Variants in INPP4B observed in about 807,000 individuals in gnomAD.
INPP4B encodes inositol polyphosphate-4-phosphatase type II B.
INPP4B carries 55 observed loss-of-function variants against 122.5 expected under a neutral mutation model. The observed-to-expected ratio is 0.45, with a 90% CI of 0.36 to 0.56. INPP4B has a LOEUF of 0.56. Among genes scored for constraint, INPP4B ranks in the 20% least tolerant of loss-of-function variants. INPP4B has a pLI of 0.00. For synonymous variants in INPP4B, 403 were observed against 388.7 expected, an observed-to-expected ratio of 1.04 and a Z score of -0.43; for missense variants, 1,000 against 1,097.7, an observed-to-expected ratio of 0.91 and a Z score of 1.26.
intron 12 of INPP4B, among the ~76,000 whole-genome samples, chr4:142,222,844 C>G (rs1849934759): frequency 6.6e-6 from 1 of 152,168 alleles, no homozygotes; most frequent in East Asian, 1.9e-4. Context: ...AAATAAATCA[C>G]AGACTCAAGA....
chr4:142,569,293 AT>A (rs141880193), intron 2 of INPP4B, among the ~76,000 whole-genome samples: 3,314 of 143,656 alleles, frequency 0.023, 78 homozygotes, highest in African/African-American at 0.069. Flanking sequence ...ATAAACATGG[AT>A]TTTTTTTTTT....
intron 25 of INPP4B, among the ~76,000 whole-genome samples, chr4:142,055,624 T>C (rs926654591): frequency 8.8e-6 from 1 of 113,320 alleles, no homozygotes; most frequent in Non-Finnish European, 2.0e-5. Context: ...AATCATAAAG[T>C]GGTTAAATCT....
chr4:142,431,422 G>T, intron 3 of INPP4B, 37 bp from the exon 4 acceptor site: 1 of 609,732 alleles, frequency 1.6e-6, no homozygotes, highest in East Asian at 2.8e-5. Flanking sequence ...CAGTCATATT[G>T]GAGTTCAGTA....
At chr4:142,644,905 CAAAAAA>C (rs72460445) in intron 2 of INPP4B, among the ~76,000 whole-genome samples, 2 of 66,154 alleles carry the variant, frequency 3.0e-5, no homozygotes, top group Non-Finnish European at 5.5e-5. Flanking sequence ...GACTCCATCT[CAAAAAA>C]AAAAAAAAAA....
At chr4:142,478,171 CT>C (rs1252491809) in intron 2 of INPP4B, among the ~76,000 whole-genome samples, 2 of 152,122 alleles carry the variant, frequency 1.3e-5, no homozygotes, top group Non-Finnish European at 2.9e-5. Context: ...GATCTCGGAG[CT>C]TTTGGGCAGA....
chr4:142,524,549 G>C (rs1826585463), intron 2 of INPP4B, among the ~76,000 whole-genome samples: 2 of 151,664 alleles, frequency 1.3e-5, no homozygotes, highest in African/African-American at 4.9e-5. Context: ...TGTAGATTCT[G>C]GATATTAGCC....
At chr4:142,655,800 T>C (rs1306092519) in intron 2 of INPP4B, among the ~76,000 whole-genome samples, 2 of 152,224 alleles carry the variant, frequency 1.3e-5, no homozygotes, top group Non-Finnish European at 2.9e-5. Flanking sequence ...AAAGTCCAAC[T>C]ACTCTAATTT....
At chr4:142,441,726 G>A (rs796435325) in intron 3 of INPP4B, among the ~76,000 whole-genome samples, 1 of 151,956 alleles carries the variant, frequency 6.6e-6, no homozygotes, top group South Asian at 2.1e-4. Context: ...GATGGGAGGA[G>A]CAGCAGGTAG....
Position 142,408,484 on chromosome 4 carries a change from C to A in INPP4B, c.137-3160G>T, listed in dbSNP as rs1379574088. 2.0e-5 allele frequency among the ~76,000 whole-genome samples: 3 copies of A among 152,112 alleles called. No homozygotes were observed. The South Asian group carries it at 6.2e-4, about 32-fold the overall frequency. On this transcript the variant is annotated intron_variant, in intron 5 of 25. Coordinates refer to ENST00000262992, the MANE Select transcript of INPP4B (RefSeq NM_001101669.3). Reference sequence around the variant, plus strand: ...ACAAGAATTGCTTGAACCCCAGGGGCGGAGGTTGCAGTGAGCTGAGATCAC... The same window carrying A: ...ACAAGAATTGCTTGAACCCCAGGGGAGGAGGTTGCAGTGAGCTGAGATCAC...
chr4:142,580,255 C>G (rs145432321), intron 2 of INPP4B, among the ~76,000 whole-genome samples: 1 of 151,862 alleles, frequency 6.6e-6, no homozygotes, highest in East Asian at 1.9e-4. Flanking sequence ...AGCTAAGATT[C>G]AATTTTCTAA....
At chr4:142,255,180 G>A (rs1340082642) in intron 11 of INPP4B, among the ~76,000 whole-genome samples, 2 of 151,796 alleles carry the variant, frequency 1.3e-5, no homozygotes, top group Non-Finnish European at 2.9e-5. Context: ...CACCAGGCCT[G>A]CCCTAAAAGA....
intron 18 of INPP4B, among the ~76,000 whole-genome samples, chr4:142,135,964 T>G (rs1442163106): frequency 6.6e-6 from 1 of 152,050 alleles, no homozygotes; most frequent in Non-Finnish European, 1.5e-5. Flanking sequence ...GCCTGGCTAA[T>G]TTTTAGTATT....
At chr4:142,351,044 C>T (rs958463180) in intron 7 of INPP4B, among the ~76,000 whole-genome samples, 3 of 151,942 alleles carry the variant, frequency 2.0e-5, no homozygotes, top group African/African-American at 7.2e-5. Flanking sequence ...TTTTGTTTGC[C>T]CAAGGAGCAG....
intron 9 of INPP4B, among the ~76,000 whole-genome samples, chr4:142,304,260 C>A (rs1213038351): frequency 6.6e-6 from 1 of 152,028 alleles, no homozygotes; most frequent in Non-Finnish European, 1.5e-5. Context: ...ACCGTTTACA[C>A]CTCAAACTGA....
intron 14 of INPP4B, among the ~76,000 whole-genome samples, chr4:142,203,498 A>AT (rs1435368269): frequency 1.3e-5 from 2 of 152,142 alleles, no homozygotes; most frequent in African/African-American, 4.8e-5. Flanking sequence ...GTATATTAGT[A>AT]TAAAAACTTT....
At chr4:142,603,061 A>C (rs1047841401) in intron 2 of INPP4B, among the ~76,000 whole-genome samples, 7 of 152,250 alleles carry the variant, frequency 4.6e-5, no homozygotes, top group African/African-American at 1.4e-4. Flanking sequence ...AAAAGGAACA[A>C]GATCATGTCC....
intron 7 of INPP4B, among the ~76,000 whole-genome samples, chr4:142,333,550 G>T (rs1400278839): frequency 6.6e-6 from 1 of 152,114 alleles, no homozygotes; most frequent in African/African-American, 2.4e-5. Context: ...GCAAAATAGG[G>T]TTCTCATATA....
At chr4:142,489,556 G>A (rs529016570) in intron 2 of INPP4B, among the ~76,000 whole-genome samples, 8 of 152,168 alleles carry the variant, frequency 5.3e-5, no homozygotes, top group African/African-American at 1.9e-4. Flanking sequence ...ACTACGCTCT[G>A]CTAATTTTTT....
intron 25 of INPP4B, among the ~76,000 whole-genome samples, chr4:142,034,043 AGTTTG>A (rs760917187): frequency 1.3e-5 from 2 of 152,130 alleles, no homozygotes; most frequent in Non-Finnish European, 2.9e-5. Flanking sequence ...TAAAGTCAAT[AGTTTG>A]GTTACTGTAC....
Sources: allele counts gnomAD v4.1 joint callset (sites outside exome capture counted in the v4.1 genomes callset), GRCh38; gene constraint gnomAD v4.1.1; transcripts MANE v1.5; gene names NCBI Gene and HGNC (gene_info 2026-07-23, HGNC 2026-07-21).